The following EIF3I variants were observed in gnomAD, a reference collection of about 807,000 sequenced individuals.
The protein encoded by EIF3I is TGF-beta receptor-interacting protein 1.
In EIF3I, 20 loss-of-function variants were observed where a neutral mutation model predicts 43.3. The ratio of observed to expected loss-of-function variants is 0.46; its 90% CI spans 0.32 to 0.67. The LOEUF (loss-of-function observed/expected upper bound fraction) is 0.67. Ranked by LOEUF, EIF3I falls within the 30% of genes least tolerant of loss-of-function variation. The pLI is 0.03. For missense variants in EIF3I, 279 were observed against 421.4 expected, an observed-to-expected ratio of 0.66 and a Z score of 2.96; for synonymous variants, 167 against 151.7, an observed-to-expected ratio of 1.10 and a Z score of -0.74.
chr1:32,226,801 C>A (rs192751566), intron 6 of EIF3I, among the ~76,000 whole-genome samples: 175 of 143,286 alleles, frequency 1.2e-3, no homozygotes, highest in African/African-American at 4.4e-3. Flanking sequence ...AACTCCTGAC[C>A]TCAGGCAGTC....
At chr1:32,231,315 A>G in exon 12 of EIF3I, 1 of 883,174 alleles carries the variant, frequency 1.1e-6, no homozygotes, top group Non-Finnish European at 1.8e-6. Context: ...ACATGGAGAA[A>G]CCTCGTCTCT....
At chr1:32,222,795 A>G (rs1435383915) in intron 2 of EIF3I, among the ~76,000 whole-genome samples, 165 bp downstream of exon 2, 1 of 152,126 alleles carries the variant, frequency 6.6e-6, no homozygotes, top group African/African-American at 2.4e-5. Flanking sequence ...CTACCGGGAA[A>G]GGTGGGGAAG....
At chr1:32,231,190 G>A (rs1278509598) in exon 12 of EIF3I, 10 of 1,613,532 alleles carry the variant, frequency 6.2e-6, no homozygotes, top group Non-Finnish European at 8.5e-6. Flanking sequence ...TTGAGTTTGA[G>A]GCTTAAGAAG....
chr1:32,230,935 A>T, exon 11 of EIF3I: 1 of 1,593,406 alleles, frequency 6.3e-7, no homozygotes, highest in South Asian at 1.2e-5. Context: ...AGGTTCTTCC[A>T]TTTGGCCTTT....
In EIF3I at chr1:32,224,486, T is replaced by G; in HGVS notation, c.250+11T>G. ...GGGACTGTGAAACAGGTAAGCTGGG[T>G]TCATTCACCTTTTTAGCAAATATTG... On this transcript the variant is annotated intron_variant, in intron 4 of 11. Coordinates refer to ENST00000676679, the Ensembl canonical transcript of EIF3I. 1 of 1,611,130 alleles carries G rather than the reference T, an allele frequency of 6.2e-7. No individual in the cohort carries two copies.
chr1:32,223,378 G>A (rs1212253260), intron 2 of EIF3I, among the ~76,000 whole-genome samples: 1 of 152,196 alleles, frequency 6.6e-6, no homozygotes, highest in Non-Finnish European at 1.5e-5. Flanking sequence ...CTGCCTCCCA[G>A]GTTCAAGCGA....
downstream of EIF3I, chr1:32,235,105 G>A (rs1639282365): frequency 6.5e-6 from 1 of 152,794 alleles, no homozygotes; most frequent in African/African-American, 2.4e-5. Flanking sequence ...CTCCTGCAGG[G>A]GACGCCCTCT....
intron 2 of EIF3I, 29 bp downstream of exon 2, chr1:32,222,659 G>A: frequency 6.2e-7 from 1 of 1,606,834 alleles, no homozygotes; most frequent in Non-Finnish European, 8.5e-7. Context: ...GGGTCCGGGA[G>A]GGGCGGGATC....
intron 6 of EIF3I, among the ~76,000 whole-genome samples, chr1:32,227,725 T>C (rs904349648): frequency 2.0e-5 from 3 of 152,096 alleles, no homozygotes; most frequent in Non-Finnish European, 4.4e-5. Context: ...CAGTGAGCCA[T>C]GATTGTGCCA....
At chr1:32,222,478 G>C (rs1639028542) in intron 1 of EIF3I, 34 bp downstream of exon 1, 2 of 1,611,804 alleles carry the variant, frequency 1.2e-6, no homozygotes, top group Non-Finnish European at 1.7e-6. Context: ...TGCAGTGGGG[G>C]TCCTGGGCTG....
downstream of EIF3I, among the ~76,000 whole-genome samples, chr1:32,232,377 C>G (rs969764780): frequency 6.6e-6 from 1 of 152,194 alleles, no homozygotes; most frequent in Non-Finnish European, 1.5e-5. Flanking sequence ...AAGACAAAGT[C>G]CTACTTCTTA....
At chr1:32,235,385 CAGTGGTG>C (rs1639287452), downstream of EIF3I, among the ~76,000 whole-genome samples, 1 of 151,012 alleles carries the variant, frequency 6.6e-6, no homozygotes, top group Non-Finnish European at 1.5e-5. Context: ...GGCTGGAGTG[CAGTGGTG>C]CGATCTCAGC....
Position 32,224,019 on chromosome 1 carries a change from G to T in EIF3I, c.97-15G>T. On this transcript the variant is annotated splice_polypyrimidine_tract_variant and intron_variant, in intron 2 of 11. Coordinates refer to ENST00000676679, the Ensembl canonical transcript of EIF3I. ...TTACTGGGATGTGTACTATCCTGTG[G>T]TTTGACTTTTCCAGATCGTCAATGT... is the stretch of plus-strand genomic sequence containing the variant. 6.2e-7 allele frequency: 1 copy of T among 1,613,938 alleles called. No homozygotes were observed. Among genetic ancestry groups the T allele is most frequent in the East Asian group, 2.2e-5 (1 of 44,878 alleles).
rs546384941 is a variant in EIF3I, at chr1:32,231,303, C to G, written c.*107C>G. Reference sequence around the variant, plus strand: ...GTCAGGAGTTTAAGACCAGCCTGACCAACATGGAGAAACCTCGTCTCTACT... The same window carrying G: ...GTCAGGAGTTTAAGACCAGCCTGACGAACATGGAGAAACCTCGTCTCTACT... On this transcript the variant is annotated 3_prime_UTR_variant, in exon 12 of 12. Transcript: ENST00000676679. 48 of 1,004,368 alleles carry G rather than the reference C, an allele frequency of 4.8e-5. No homozygotes were observed. The African/African-American group carries it at 7.2e-4, about 15-fold the overall frequency. 62.2% of individuals were successfully genotyped at this position (1,004,368 alleles called of 1,614,324 possible). A position where few individuals can be genotyped will look rare whatever the true frequency, so the allele number is the denominator to read the frequency against.
At chr1:32,227,860 C>G (rs1036077381) in intron 6 of EIF3I, among the ~76,000 whole-genome samples, 1 of 152,204 alleles carries the variant, frequency 6.6e-6, no homozygotes, top group Non-Finnish European at 1.5e-5. Flanking sequence ...TAATGCTGAA[C>G]TCCTAGAACA....
intron 4 of EIF3I, among the ~76,000 whole-genome samples, chr1:32,225,175 C>T (rs1422120751): frequency 6.6e-6 from 1 of 151,952 alleles, no homozygotes; most frequent in African/African-American, 2.4e-5. Flanking sequence ...AGGGTTTCAC[C>T]ATGTTGGCCA....
chr1:32,226,530 G>A, exon 6 of EIF3I: 1 of 1,526,590 alleles, frequency 6.6e-7, no homozygotes, highest in Non-Finnish European at 8.7e-7. Context: ...ATAGTGCCAA[G>A]GTAAGAGGCC....
chr1:32,228,429 C>G, intron 6 of EIF3I, 70 bp from the exon 7 acceptor site: 1 of 1,324,688 alleles, frequency 7.5e-7, no homozygotes, highest in Non-Finnish European at 1.1e-6. Flanking sequence ...CATTTGGGTG[C>G]TTGGGTTTCT....
At chr1:32,225,218 C>T (rs1446878296) in intron 4 of EIF3I, among the ~76,000 whole-genome samples, 2 of 151,946 alleles carry the variant, frequency 1.3e-5, no homozygotes, top group Non-Finnish European at 2.9e-5. Flanking sequence ...TCAAGTGATC[C>T]ACCCGCCTTG....
Sources: allele counts gnomAD v4.1 joint callset (sites outside exome capture counted in the v4.1 genomes callset), GRCh38; gene constraint gnomAD v4.1.1; transcripts MANE v1.5; gene names NCBI Gene and HGNC (gene_info 2026-07-23, HGNC 2026-07-21).